ZFHX3: variants seen among roughly 807,000 people sequenced by gnomAD.
ZFHX3 encodes the protein zinc finger homeobox protein 3.
A neutral mutation model predicts 279.1 loss-of-function variants in ZFHX3; 42 were observed. That is an observed-to-expected ratio of 0.15 (90% CI 0.12 to 0.19). ZFHX3 has a LOEUF of 0.19. Among genes scored for constraint, ZFHX3 ranks in the 10% least tolerant of loss-of-function variants. The pLI is 1.00. For missense variants in ZFHX3, 4,981 were observed against 4,754.0 expected (o/e 1.05, Z -1.40); for synonymous variants, 2,293 against 1,957.8 (o/e 1.17, Z -4.52).
At chr16:73,822,222 C>T (rs1271981816) in intron 1 of ZFHX3, among the ~76,000 whole-genome samples, 1 of 152,166 alleles carries the variant, frequency 6.6e-6, no homozygotes, top group Admixed American at 6.5e-5. Context: ...GCTCTTTTCT[C>T]TTCCTGGGAT....
chr16:73,464,999 G>C (rs2018538945), intron 2 of ZFHX3, among the ~76,000 whole-genome samples: 1 of 152,234 alleles, frequency 6.6e-6, no homozygotes, highest in Non-Finnish European at 1.5e-5. Context: ...GGGCAGGCAG[G>C]CTGGATGTGC....
intron 4 of ZFHX3, among the ~76,000 whole-genome samples, chr16:72,871,442 A>G (rs2038158837): frequency 6.6e-6 from 1 of 151,968 alleles, no homozygotes; most frequent in African/African-American, 2.4e-5. Flanking sequence ...CACTGGTTCA[A>G]GCAATTTTCC....
rs143119253 is a variant in ZFHX3, at chr16:72,959,948, C to A, written c.198G>T (p.Ala66=). The A allele has an allele frequency of 6.2e-7, 1 of 1,604,566 alleles. No individual in the cohort carries two copies. ...PFNERLAEST[A]SAGPPSEPAS... ...CGGGCTCGGAGGGGGGCCCGGCCGA[C>A]GCGGTGCTCTCCGCGAGGCGCTCAT... Residue 66 remains alanine (A), a synonymous_variant, in exon 2 of 10, where the codon GCG becomes GCT. Coordinates refer to ENST00000268489, the MANE Select transcript of ZFHX3 (RefSeq NM_006885.4).
intron 5 of ZFHX3, among the ~76,000 whole-genome samples, chr16:73,220,975 G>C (rs1181544838): frequency 1.3e-5 from 2 of 152,132 alleles, no homozygotes; most frequent in Non-Finnish European, 2.9e-5. Flanking sequence ...TATCCTATAT[G>C]GGGAAAGCTG....
chr16:72,873,341 T>C (rs114226876), intron 4 of ZFHX3, among the ~76,000 whole-genome samples: 34 of 152,334 alleles, frequency 2.2e-4, no homozygotes, highest in African/African-American at 8.2e-4. Flanking sequence ...AAAAGCATGC[T>C]TGGAGAAAAT....
At chr16:73,321,982 A>G (rs1246227914) in intron 3 of ZFHX3, among the ~76,000 whole-genome samples, 1 of 152,248 alleles carries the variant, frequency 6.6e-6, no homozygotes, top group East Asian at 1.9e-4. Context: ...TTAAGCACAT[A>G]AAAATCCCGG....
chr16:73,496,653 G>C (rs1421044584), intron 2 of ZFHX3, among the ~76,000 whole-genome samples: 1 of 152,224 alleles, frequency 6.6e-6, no homozygotes, highest in Non-Finnish European at 1.5e-5. Context: ...GTTGGACTCT[G>C]CTCTCAGATT....
rs546286581 is a variant in ZFHX3 at position 73,842,882 on chromosome 16, C to T, written c.-1608+48769G>A. ...AGCTCTTATGACCCACGGAAGGCACCGCCTGTCCAAATCAGAATTACCTCT... is the reference window on the plus strand; with the variant it reads ...AGCTCTTATGACCCACGGAAGGCACTGCCTGTCCAAATCAGAATTACCTCT... On this transcript the variant is annotated intron_variant, in intron 1 of 17. Coordinates refer to the ZFHX3 transcript ENST00000641206. Among the ~76,000 whole-genome samples, 6 of 152,244 alleles carry T rather than the reference C, an allele frequency of 3.9e-5. No individual in the cohort carries two copies. In the South Asian group the frequency reaches 1.2e-3, roughly 32 times the overall value.
rs182256921 is a variant in ZFHX3 at position 72,904,017 on chromosome 16, G to A, written c.3217-14055C>T. On this transcript the variant is annotated intron_variant, in intron 3 of 9. Transcript: ENST00000268489. The stretch of plus-strand genomic sequence containing the variant: ...GCCACACCATCAACAGCATCCCACA[G>A]GCTGGGACCAAGTCGAATATTTCTA... Among the ~76,000 whole-genome samples, 7 of 152,288 alleles carry A rather than the reference G, an allele frequency of 4.6e-5. No individual in the cohort carries two copies. The East Asian group carries it at 1.4e-3, about 29-fold the overall frequency.
intron 3 of ZFHX3, among the ~76,000 whole-genome samples, chr16:72,948,694 G>A (rs978536480): frequency 1.3e-5 from 2 of 152,146 alleles, no homozygotes; most frequent in African/African-American, 4.8e-5. Context: ...GATGCAAGAG[G>A]CCAGCTTCAT....
intron 2 of ZFHX3, among the ~76,000 whole-genome samples, chr16:73,509,363 C>G (rs960033146): frequency 6.6e-6 from 1 of 152,040 alleles, no homozygotes; most frequent in Non-Finnish European, 1.5e-5. Flanking sequence ...CCTCCACCCC[C>G]TAAACAATCC....
At chr16:73,756,068 C>T (rs1396111721) in intron 1 of ZFHX3, among the ~76,000 whole-genome samples, 1 of 152,126 alleles carries the variant, frequency 6.6e-6, no homozygotes, top group Non-Finnish European at 1.5e-5. Context: ...CCATGGCTGA[C>T]TTTCTTTTGT....
intron 3 of ZFHX3, among the ~76,000 whole-genome samples, chr16:73,332,384 C>T (rs2015821919): frequency 6.6e-6 from 1 of 152,138 alleles, no homozygotes. Flanking sequence ...CTGAGCTGCC[C>T]TTTCCTCCTG....
At chr16:72,925,947 C>A (rs1164066150) in intron 3 of ZFHX3, among the ~76,000 whole-genome samples, 1 of 152,186 alleles carries the variant, frequency 6.6e-6, no homozygotes, top group Non-Finnish European at 1.5e-5. Flanking sequence ...TATATTTGTG[C>A]ACGAAAGCAT....
intron 5 of ZFHX3, among the ~76,000 whole-genome samples, chr16:73,163,115 A>G (rs1332909886): frequency 1.3e-5 from 2 of 152,166 alleles, no homozygotes; most frequent in Non-Finnish European, 2.9e-5. Flanking sequence ...TCGGGACAAC[A>G]CATGTATTTT....
chr16:73,113,613 G>C (rs1435519579), intron 7 of ZFHX3, among the ~76,000 whole-genome samples: 1 of 152,102 alleles, frequency 6.6e-6, no homozygotes, highest in African/African-American at 2.4e-5. Flanking sequence ...GCAAGGAGGT[G>C]AATGCCAGCA....
At chr16:73,484,421 C>G (rs944362712) in intron 2 of ZFHX3, among the ~76,000 whole-genome samples, 2 of 152,148 alleles carry the variant, frequency 1.3e-5, no homozygotes, top group Non-Finnish European at 2.9e-5. Flanking sequence ...TGCAGACTTT[C>G]GCCCTTGGCA....
At chr16:73,617,743 T>C (rs1597030436) in intron 2 of ZFHX3, among the ~76,000 whole-genome samples, 2 of 152,298 alleles carry the variant, frequency 1.3e-5, no homozygotes, top group South Asian at 4.1e-4. Context: ...AAGTATACCA[T>C]TGGGAGGGCT....
chr16:73,823,308 C>A (rs946486644), intron 1 of ZFHX3, among the ~76,000 whole-genome samples: 2 of 151,982 alleles, frequency 1.3e-5, no homozygotes, highest in African/African-American at 4.8e-5. Context: ...AGAGAGGCCA[C>A]AGTGGAGGGA....
Sources: allele counts gnomAD v4.1 joint callset (sites outside exome capture counted in the v4.1 genomes callset), GRCh38; gene constraint gnomAD v4.1.1; transcripts MANE v1.5; gene names NCBI Gene and HGNC (gene_info 2026-07-23, HGNC 2026-07-21).